The following KCNH5 variants were observed in gnomAD, a reference collection of about 807,000 sequenced individuals.
KCNH5 encodes potassium voltage-gated channel subfamily H member 5, also known as voltage-gated delayed rectifier potassium channel KCNH5.
KCNH5 carries 46 observed loss-of-function variants against 96.1 expected under a neutral mutation model. That is an observed-to-expected ratio of 0.48 (90% CI 0.38 to 0.61). KCNH5 has a LOEUF of 0.61. Among genes scored for constraint, KCNH5 ranks in the 20% least tolerant of loss-of-function variants. The probability of loss-of-function intolerance (pLI) is 0.00; values close to 1 mark genes in which losing one functional copy is unlikely to be tolerated. For missense variants in KCNH5, 907 were observed against 1,225.8 expected (o/e 0.74, Z 3.88); for synonymous variants, 439 against 449.8 (o/e 0.98, Z 0.30).
chr14:62,987,159 C>T lies in KCNH5; in HGVS notation c.462G>A (p.Arg154=), dbSNP rs2139575338. 4 of 1,613,376 alleles carry T rather than the reference C, an allele frequency of 2.5e-6. No individual in the cohort carries two copies. The African/African-American group carries it at 5.3e-5, about 22-fold the overall frequency. ...AAACACTTCGGCTATTTGTCAAAGC[C>T]CGTGTCAATCGGGCAAATTTCGTCC... The part of the protein sequence containing the change: ...KGWTKFARLT[R]ALTNSRSVLQ... Residue 154 remains arginine, a synonymous_variant, in exon 5 of 11, where the codon CGG becomes CGA. Transcript: ENST00000322893.
chr14:62,774,874 A>T (rs1367151052), intron 10 of KCNH5, among the ~76,000 whole-genome samples: 4 of 152,132 alleles, frequency 2.6e-5, no homozygotes, highest in Admixed American at 2.0e-4. Flanking sequence ...CACACATGGG[A>T]TCTTAATCTC....
intron 9 of KCNH5, among the ~76,000 whole-genome samples, chr14:62,787,625 T>C (rs78111300): frequency 0.012 from 1,857 of 152,278 alleles, 34 homozygotes; most frequent in African/African-American, 0.042. Flanking sequence ...AGTCAAAAAC[T>C]GGCTTCAAAA....
chr14:63,021,263 A>G (rs1891420887), intron 1 of KCNH5, among the ~76,000 whole-genome samples: 1 of 152,012 alleles, frequency 6.6e-6, no homozygotes, highest in African/African-American at 2.4e-5. Flanking sequence ...CAGATCAACA[A>G]TCCCAACTGT....
intron 8 of KCNH5, 106 bp from the exon 9 acceptor site, chr14:62,802,687 C>T: frequency 2.3e-6 from 3 of 1,316,606 alleles, no homozygotes; most frequent in Non-Finnish European, 3.1e-6. Context: ...GTCTGCTACA[C>T]TGCTACACAC....
intron 7 of KCNH5, among the ~76,000 whole-genome samples, chr14:62,871,136 T>C (rs984938828): frequency 6.6e-6 from 1 of 152,210 alleles, no homozygotes; most frequent in Non-Finnish European, 1.5e-5. Flanking sequence ...TTGATTGGCT[T>C]ATTGGGTATT....
At position 63,009,548 on chromosome 14, in the gene KCNH5, A is replaced by G. The variant is rs183249923; in HGVS notation, c.198-3076T>C. Among the ~76,000 whole-genome samples, 430 of 152,338 alleles carry G rather than the reference A, an allele frequency of 2.8e-3. 2 individuals carry two copies. The highest frequency in any genetic ancestry group is 9.2e-3 in the African/African-American group (383 of 41,574). The stretch of plus-strand genomic sequence containing the variant: ...TATTATACCGCATATTTCCAGTGAT[A>G]GAACATGTATTTGAAGGGGTGACAT... On this transcript the variant is annotated intron_variant, in intron 2 of 10. Transcript: ENST00000322893.
chr14:62,861,357 C>T (rs1020278100), intron 7 of KCNH5, among the ~76,000 whole-genome samples: 1 of 151,488 alleles, frequency 6.6e-6, no homozygotes, highest in Middle Eastern at 3.2e-3. Context: ...GCAGCCTTGA[C>T]CTCTCAGGCT....
intron 8 of KCNH5, among the ~76,000 whole-genome samples, chr14:62,826,553 T>A (rs745547558): frequency 6.6e-6 from 1 of 152,036 alleles, no homozygotes; most frequent in South Asian, 2.1e-4. Context: ...TTATATTTAC[T>A]ATGTTAGCAT....
At chr14:62,995,171 C>T (rs1381760986) in intron 4 of KCNH5, among the ~76,000 whole-genome samples, 1 of 151,914 alleles carries the variant, frequency 6.6e-6, no homozygotes. Context: ...GTAAAAATAT[C>T]GATACAAGTA....
intron 10 of KCNH5, among the ~76,000 whole-genome samples, chr14:62,776,069 C>A (rs2139971282): frequency 6.6e-6 from 1 of 152,050 alleles, no homozygotes; most frequent in South Asian, 2.1e-4. Flanking sequence ...GAGTTCAAGA[C>A]CAGCCTGACC....
intron 1 of KCNH5, among the ~76,000 whole-genome samples, chr14:63,027,712 T>C (rs1292164160): frequency 6.6e-6 from 1 of 152,070 alleles, no homozygotes; most frequent in African/African-American, 2.4e-5. Context: ...AGTATTGCAA[T>C]ATAGTAATTA....
intron 6 of KCNH5, among the ~76,000 whole-genome samples, chr14:62,972,279 A>G (rs1490660265): frequency 1.3e-5 from 2 of 152,218 alleles, no homozygotes; most frequent in Admixed American, 1.3e-4. Flanking sequence ...TAAAACATCA[A>G]AAGAGATACA....
intron 10 of KCNH5, among the ~76,000 whole-genome samples, chr14:62,762,059 C>T (rs188703539): frequency 4.5e-4 from 68 of 152,296 alleles, no homozygotes; most frequent in African/African-American, 1.5e-3. Context: ...GAAGACTGCA[C>T]AACCCATGGA....
chr14:62,969,965 G>T (rs180952305), intron 6 of KCNH5, among the ~76,000 whole-genome samples: 29 of 147,488 alleles, frequency 2.0e-4, no homozygotes, highest in Non-Finnish European at 3.7e-4. Context: ...TTGAGGCTGG[G>T]AGGCAGAGGT....
At chr14:62,924,478 G>A (rs1004809854) in intron 7 of KCNH5, among the ~76,000 whole-genome samples, 12 of 151,736 alleles carry the variant, frequency 7.9e-5, no homozygotes, top group East Asian at 1.9e-4. Context: ...GGTACTTATC[G>A]AAAAGACATG....
chr14:62,995,162 T>TA (rs145166633), intron 4 of KCNH5, among the ~76,000 whole-genome samples: 3,302 of 152,192 alleles, frequency 0.022, 122 homozygotes, highest in African/African-American at 0.075. Context: ...AGTTTCTTGG[T>TA]AAAAATATCG....
chr14:62,886,980 A>T lies in KCNH5; in HGVS notation c.1370-37128T>A, dbSNP rs964182363. Among the ~76,000 whole-genome samples, 8 of 152,204 alleles carry T rather than the reference A, an allele frequency of 5.3e-5. No homozygotes were observed. In the East Asian group the frequency reaches 1.5e-3, roughly 29 times the overall value. The stretch of plus-strand genomic sequence containing the variant: ...TTAAAATATTTCTATACATCAAAAA[A>T]TGCCAAACAAAATGCCATATTTGGT... On this transcript the variant is annotated intron_variant, in intron 7 of 10. Transcript: ENST00000322893.
intron 8 of KCNH5, among the ~76,000 whole-genome samples, chr14:62,819,898 C>T (rs571668581): frequency 6.6e-6 from 1 of 152,240 alleles, no homozygotes; most frequent in African/African-American, 2.4e-5. Context: ...TGACTTTAGG[C>T]AAATTTGATC....
chr14:62,723,572 C>A (rs1782619152), intron 10 of KCNH5, among the ~76,000 whole-genome samples: 1 of 152,186 alleles, frequency 6.6e-6, no homozygotes, highest in African/African-American at 2.4e-5. Flanking sequence ...ACCTAGAACT[C>A]ACTTTTTCTG....
Sources: gnomAD v4.1 joint callset for allele counts (sites outside exome capture counted in the v4.1 genomes callset) on GRCh38, gnomAD v4.1.1 for gene constraint, MANE v1.5 for transcripts, NCBI Gene and HGNC (gene_info 2026-07-23, HGNC 2026-07-21) for gene names.